The following POU2F1 variants were observed in gnomAD, a reference collection of about 807,000 sequenced individuals.
POU2F1 encodes POU class 2 homeobox 1, also known as POU domain, class 2, transcription factor 1.
POU2F1 carries 16 observed loss-of-function variants against 84.9 expected under a neutral mutation model. That is an observed-to-expected ratio of 0.19 (90% CI 0.13 to 0.29). The LOEUF is 0.29. Ranked by LOEUF, POU2F1 falls within the 10% of genes least tolerant of loss-of-function variation. The pLI, the probability that POU2F1 is intolerant of heterozygous loss-of-function variation, is 1.00. For synonymous variants in POU2F1, 368 were observed against 368.3 expected (o/e 1.00, Z 0.01); for missense variants, 738 against 942.6 (o/e 0.78, Z 2.84).
At chr1:167,319,542 A>G (rs1001123443) in intron 1 of POU2F1, among the ~76,000 whole-genome samples, 2 of 152,050 alleles carry the variant, frequency 1.3e-5, no homozygotes, top group Non-Finnish European at 2.9e-5. Context: ...TGAGAATTAC[A>G]TGGGATACCA....
chr1:167,328,989 T>A, intron 1 of POU2F1: 1 of 1,028,486 alleles, frequency 9.7e-7, no homozygotes. Context: ...AAAGAGGAAC[T>A]TTTTCATGCT....
Position 167,424,720 on chromosome 1 carries a change from T to C in POU2F1, c.*8910T>C, listed in dbSNP as rs1650847956. ...GCAAACTGAGGGCAAATTGCAATCTTCTATTCCTTTTTGTTGCAAGGGGTC... is the reference window on the plus strand; with the variant it reads ...GCAAACTGAGGGCAAATTGCAATCTCCTATTCCTTTTTGTTGCAAGGGGTC... On this transcript the variant is annotated 3_prime_UTR_variant, in exon 16 of 16. Transcript: ENST00000367866. 6.6e-6 allele frequency: 1 copy of C among 152,196 alleles called. No homozygotes were observed. The highest frequency in any genetic ancestry group is 2.4e-5 in the African/African-American group (1 of 41,434). The allele number at this position is 152,196 out of a possible 1,614,324, so 9.4% of individuals were successfully genotyped here. A position where few individuals can be genotyped will look rare whatever the true frequency, so the allele number is the denominator to read the frequency against.
chr1:167,401,608 G>T lies in POU2F1; in HGVS notation c.1555+52G>T, dbSNP rs1358118848. 3 of 1,292,348 alleles carry T rather than the reference G, an allele frequency of 2.3e-6. No homozygotes were observed. The South Asian group carries it at 4.3e-5, about 19-fold the overall frequency. The allele number at this position is 1,292,348 out of a possible 1,614,324, so 80.1% of individuals were successfully genotyped here. On this transcript the variant is annotated intron_variant, in intron 13 of 15. Coordinates refer to ENST00000367866, the MANE Select transcript of POU2F1 (RefSeq NM_002697.4). ...GCTGAGCACATGGGAGGCCCGTTTT[G>T]GGTTATTATAAGAGTCTACCATTAA...
intron 7 of POU2F1, chr1:167,376,459 T>C (rs979335535): frequency 1.2e-4 from 28 of 236,276 alleles, no homozygotes; most frequent in Non-Finnish European, 2.1e-4. Context: ...AAGTTGCTGC[T>C]AGTGTTTTGA....
At chr1:167,373,882 C>G (rs1660162950) in intron 5 of POU2F1, among the ~76,000 whole-genome samples, 1 of 151,816 alleles carries the variant, frequency 6.6e-6, no homozygotes, top group South Asian at 2.1e-4. Flanking sequence ...GGGCCCTGGA[C>G]AAGCTTGAAT....
At chr1:167,319,537 A>AT (rs1416928715) in intron 1 of POU2F1, among the ~76,000 whole-genome samples, 2 of 152,022 alleles carry the variant, frequency 1.3e-5, no homozygotes, top group Non-Finnish European at 2.9e-5. Flanking sequence ...GTCCTTGAGA[A>AT]TTACATGGGA....
In POU2F1 at chr1:167,422,911, C is replaced by G. The variant is rs1202724176; in HGVS notation, c.*7101C>G. On this transcript the variant is annotated 3_prime_UTR_variant, in exon 16 of 16. Coordinates refer to ENST00000367866, the MANE Select transcript of POU2F1 (RefSeq NM_002697.4). ...TTTGAAGGAAGTCTTCTTGGTTATCCTGGCTTTGGAAAAGAGATTTATTTT... is the reference window on the plus strand; with the variant it reads ...TTTGAAGGAAGTCTTCTTGGTTATCGTGGCTTTGGAAAAGAGATTTATTTT... 5.3e-5 allele frequency: 8 copies of G among 152,146 alleles called. No individual in the cohort carries two copies. The highest frequency in any genetic ancestry group is 1.2e-4 in the Non-Finnish European group (8 of 68,034). 9.4% of individuals were successfully genotyped at this position (152,146 alleles called of 1,614,324 possible).
intron 1 of POU2F1, among the ~76,000 whole-genome samples, chr1:167,311,598 G>A (rs1655474103): frequency 6.6e-6 from 1 of 151,974 alleles, no homozygotes; most frequent in Non-Finnish European, 1.5e-5. Flanking sequence ...GCTTGGTGAT[G>A]TCTTGATGAT....
At chr1:167,235,619 G>A (rs1571135413) in intron 1 of POU2F1, among the ~76,000 whole-genome samples, 1 of 152,118 alleles carries the variant, frequency 6.6e-6, no homozygotes, top group Non-Finnish European at 1.5e-5. Context: ...CCACGCTTAG[G>A]TGTGCATGCT....
chr1:167,345,302 T>C (rs1658117461), intron 2 of POU2F1, among the ~76,000 whole-genome samples: 1 of 151,820 alleles, frequency 6.6e-6, no homozygotes, highest in Admixed American at 6.6e-5. Context: ...GTTTTTTAGG[T>C]GAGAAATGGG....
intron 8 of POU2F1, among the ~76,000 whole-genome samples, chr1:167,387,532 A>G (rs1027538307): frequency 6.6e-6 from 1 of 152,210 alleles, no homozygotes; most frequent in African/African-American, 2.4e-5. Flanking sequence ...CGCCTGTGTA[A>G]TGCTTATTCT....
intron 8 of POU2F1, among the ~76,000 whole-genome samples, chr1:167,384,700 T>A (rs1647826865): frequency 6.7e-6 from 1 of 149,718 alleles, no homozygotes; most frequent in African/African-American, 2.5e-5. Context: ...CTTAACCTGG[T>A]AAAGAGCATG....
At chr1:167,383,584 A>G (rs779993597) in intron 7 of POU2F1, 26 of 219,898 alleles carry the variant, frequency 1.2e-4, no homozygotes, top group Non-Finnish European at 2.1e-4. Flanking sequence ...CTTTCATCCC[A>G]TTCTTTCCTA....
intron 2 of POU2F1, among the ~76,000 whole-genome samples, chr1:167,364,497 T>C (rs1571375169): frequency 1.4e-5 from 1 of 71,642 alleles, no homozygotes; most frequent in Non-Finnish European, 2.5e-5. Context: ...GCCACTGCAC[T>C]CCAGCCTGGG....
chr1:167,282,678 A>G (rs1653240462), intron 1 of POU2F1, among the ~76,000 whole-genome samples: 1 of 151,700 alleles, frequency 6.6e-6, no homozygotes, highest in Non-Finnish European at 1.5e-5. Context: ...CCCATGTTCT[A>G]CTTTTTCTGT....
intron 15 of POU2F1, chr1:167,414,252 T>A: frequency 1.1e-6 from 1 of 898,954 alleles, no homozygotes; most frequent in Non-Finnish European, 1.3e-6. Flanking sequence ...CAATAGAATT[T>A]GTGATAAATC....
chr1:167,266,481 G>T (rs1651962741), intron 1 of POU2F1, among the ~76,000 whole-genome samples: 1 of 152,120 alleles, frequency 6.6e-6, no homozygotes, highest in African/African-American at 2.4e-5. Flanking sequence ...GAAGAGGTAT[G>T]TGCAGATGTT....
chr1:167,250,895 A>G (rs1055409037), intron 1 of POU2F1, among the ~76,000 whole-genome samples: 6 of 152,266 alleles, frequency 3.9e-5, no homozygotes, highest in Admixed American at 3.9e-4. Flanking sequence ...GTTTAGGAGC[A>G]TAAATGAACA....
Position 167,415,814 on chromosome 1 carries a change from G to A in POU2F1, c.*4G>A, listed in dbSNP as rs1383710848. The A allele has an allele frequency of 1.2e-6, 2 of 1,608,068 alleles. No individual in the cohort carries two copies. The highest frequency in any genetic ancestry group is 1.7e-6 in the Non-Finnish European group (2 of 1,176,506). Reference sequence around the variant, plus strand: ...CACCGCCTCCAAGGCACAGTGAGCTGGGCAGAGCTGGGCTGCCAGAAGCCT... The same window carrying A: ...CACCGCCTCCAAGGCACAGTGAGCTAGGCAGAGCTGGGCTGCCAGAAGCCT... On this transcript the variant is annotated 3_prime_UTR_variant, in exon 16 of 16. Transcript: ENST00000367866.
Sources: gnomAD v4.1 joint callset for allele counts (sites outside exome capture counted in the v4.1 genomes callset) on GRCh38, gnomAD v4.1.1 for gene constraint, MANE v1.5 for transcripts, NCBI Gene and HGNC (gene_info 2026-07-23, HGNC 2026-07-21) for gene names.